Variants in PACRG observed in about 807,000 individuals in gnomAD.
PACRG encodes parkin coregulated, also known as parkin coregulated gene protein.
In PACRG, 29 loss-of-function variants were observed where a neutral mutation model predicts 29.7. That is an observed-to-expected ratio of 0.98 (90% CI 0.73 to 1.33). The LOEUF (loss-of-function observed/expected upper bound fraction) is 1.33. Ranked by LOEUF, PACRG falls within the 40% of genes most tolerant of loss-of-function variation. PACRG has a pLI of 0.00. For missense variants in PACRG, 279 were observed against 316.2 expected (o/e 0.88, Z 0.89); for synonymous variants, 116 against 118.7 (o/e 0.98, Z 0.15).
At chr6:162,828,481 C>A (rs553522430) in intron 2 of PACRG, among the ~76,000 whole-genome samples, 19 of 152,236 alleles carry the variant, frequency 1.2e-4, no homozygotes, top group South Asian at 1.2e-3. Flanking sequence ...GGTGTCAGAC[C>A]CTGCTCTGCT....
chr6:162,895,690 C>T (rs7760375), intron 2 of PACRG, among the ~76,000 whole-genome samples: 4 of 151,976 alleles, frequency 2.6e-5, no homozygotes, highest in Non-Finnish European at 5.9e-5. Context: ...ATACTTTTTA[C>T]ATATGAATAG....
intron 1 of PACRG, among the ~76,000 whole-genome samples, chr6:162,749,767 G>A (rs746875203): frequency 6.6e-6 from 1 of 152,058 alleles, no homozygotes; most frequent in East Asian, 1.9e-4. Flanking sequence ...TGATCTGCCC[G>A]CCTCGGCCTC....
chr6:162,945,736 C>T (rs911956657), intron 2 of PACRG, among the ~76,000 whole-genome samples: 2 of 152,030 alleles, frequency 1.3e-5, no homozygotes, highest in Non-Finnish European at 2.9e-5. Context: ...CAGGATAGTT[C>T]ATATGTTAAA....
At chr6:162,785,809 C>T (rs1285151995) in intron 1 of PACRG, among the ~76,000 whole-genome samples, 1 of 152,144 alleles carries the variant, frequency 6.6e-6, no homozygotes, top group Non-Finnish European at 1.5e-5. Flanking sequence ...GGCCCAGTTC[C>T]TAGCAGGCCA....
intron 4 of PACRG, among the ~76,000 whole-genome samples, chr6:163,175,153 G>A (rs1418312713): frequency 1.3e-5 from 2 of 152,078 alleles, no homozygotes; most frequent in African/African-American, 2.4e-5. Context: ...ATATCTGTTT[G>A]ACCACTAGGA....
At chr6:162,997,833 A>G (rs1804218319) in intron 2 of PACRG, among the ~76,000 whole-genome samples, 1 of 152,232 alleles carries the variant, frequency 6.6e-6, no homozygotes, top group South Asian at 2.1e-4. Flanking sequence ...AAATGCCTGA[A>G]TATTATGCCC....
At chr6:162,995,673 C>A (rs1012875326) in intron 2 of PACRG, among the ~76,000 whole-genome samples, 11 of 152,212 alleles carry the variant, frequency 7.2e-5, no homozygotes, top group Non-Finnish European at 1.5e-4. Flanking sequence ...CCGGTACCTC[C>A]GATGGAAATG....
At chr6:163,234,016 T>C (rs1363340396) in intron 4 of PACRG, among the ~76,000 whole-genome samples, 2 of 152,022 alleles carry the variant, frequency 1.3e-5, no homozygotes, top group East Asian at 1.9e-4. Context: ...CATTTAAGAG[T>C]GTTCAGGTCT....
At chr6:162,825,113 A>T (rs1259163730) in intron 2 of PACRG, among the ~76,000 whole-genome samples, 2 of 152,206 alleles carry the variant, frequency 1.3e-5, no homozygotes, top group Non-Finnish European at 2.9e-5. Context: ...TACCTTTAAA[A>T]TGACCTTTAG....
chr6:162,933,502 C>T (rs944356599), intron 2 of PACRG, among the ~76,000 whole-genome samples: 1 of 150,054 alleles, frequency 6.7e-6, no homozygotes, highest in Admixed American at 6.6e-5. Flanking sequence ...ATTTGCATTA[C>T]ATTTGTGGGT....
intron 4 of PACRG, among the ~76,000 whole-genome samples, chr6:163,246,665 C>T (rs191132492): frequency 9.9e-5 from 15 of 152,240 alleles, no homozygotes; most frequent in Admixed American, 6.5e-4. Flanking sequence ...GATTATGTGA[C>T]GTTAGAAGCC....
chr6:162,873,062 A>G (rs1792965136), intron 2 of PACRG, among the ~76,000 whole-genome samples: 1 of 152,244 alleles, frequency 6.6e-6, no homozygotes, highest in Non-Finnish European at 1.5e-5. Context: ...AGCCTAACCC[A>G]GATGCCAGAG....
chr6:163,190,463 G>T (rs928451854), intron 4 of PACRG: 1 of 152,376 alleles, frequency 6.6e-6, no homozygotes, highest in Non-Finnish European at 1.5e-5. Context: ...TGACCCCGAT[G>T]CACGGAGGAA....
chr6:162,931,147 G>A (rs903148055), intron 2 of PACRG, among the ~76,000 whole-genome samples: 4 of 151,538 alleles, frequency 2.6e-5, no homozygotes, highest in Non-Finnish European at 5.9e-5. Flanking sequence ...CTGTTTAATT[G>A]TTTTAACCAA....
At chr6:163,237,017 C>T (rs1201518604) in intron 4 of PACRG, among the ~76,000 whole-genome samples, 1 of 152,170 alleles carries the variant, frequency 6.6e-6, no homozygotes, top group Non-Finnish European at 1.5e-5. Flanking sequence ...CCCCATGATC[C>T]AATCACCTTC....
intron 4 of PACRG, among the ~76,000 whole-genome samples, chr6:163,093,225 G>GA (rs1213513446): frequency 6.6e-6 from 1 of 152,140 alleles, no homozygotes; most frequent in Non-Finnish European, 1.5e-5. Context: ...GGTCCTCTTT[G>GA]AAAAAACCAA....
At chr6:162,984,071 T>C (rs1802669973) in intron 2 of PACRG, among the ~76,000 whole-genome samples, 1 of 152,028 alleles carries the variant, frequency 6.6e-6, no homozygotes, top group Non-Finnish European at 1.5e-5. Flanking sequence ...GGTGTTTGGT[T>C]ACATGAATAA....
intron 2 of PACRG, among the ~76,000 whole-genome samples, chr6:162,954,260 C>T (rs1354569341): frequency 6.6e-6 from 1 of 152,096 alleles, no homozygotes; most frequent in Non-Finnish European, 1.5e-5. Context: ...TTTTTAGTTG[C>T]ATTAGAAAAC....
intron 4 of PACRG, chr6:163,166,199 GC>G: frequency 2.2e-6 from 1 of 456,284 alleles, no homozygotes. Flanking sequence ...TCTGCCGAGG[GC>G]AACACTGAAT....
Sources: allele counts gnomAD v4.1 joint callset (sites outside exome capture counted in the v4.1 genomes callset), GRCh38; gene constraint gnomAD v4.1.1; transcripts MANE v1.5; gene names NCBI Gene and HGNC (gene_info 2026-07-23, HGNC 2026-07-21).